Variants in VWA8 observed in about 807,000 individuals in gnomAD.
VWA8 encodes the protein von Willebrand factor A domain-containing protein 8.
Under a neutral mutation model 241.5 loss-of-function variants are expected in VWA8, and 221 were observed. The ratio of observed to expected loss-of-function variants is 0.91; its 90% CI spans 0.82 to 1.02. VWA8 has a LOEUF of 1.02. VWA8 is among the 50% of genes least tolerant of loss of function. VWA8 has a pLI of 0.00. For missense variants in VWA8, 2,322 were observed against 2,328.7 expected, an observed-to-expected ratio of 1.00 and a Z score of 0.06; for synonymous variants, 852 against 827.1, an observed-to-expected ratio of 1.03 and a Z score of -0.52.
chr13:41,799,601 C>A (rs1240631798), intron 17 of VWA8, among the ~76,000 whole-genome samples: 1 of 152,188 alleles, frequency 6.6e-6, no homozygotes, highest in African/African-American at 2.4e-5. Context: ...CTCCACCTCA[C>A]ATATGCCTGC....
At chr13:41,892,367 C>T (rs1874887364) in intron 4 of VWA8, among the ~76,000 whole-genome samples, 1 of 152,202 alleles carries the variant, frequency 6.6e-6, no homozygotes, top group Non-Finnish European at 1.5e-5. Flanking sequence ...TCTGCACATT[C>T]AACCACAGAC....
rs762615439 is a variant in VWA8 at position 41,907,743 on chromosome 13, C to T, written c.373-47G>A. ...TATTCCAAAAATAAAATCAAATTTC[C>T]AGCATATGATTTGGAACTAGTTATC... On this transcript the variant is annotated intron_variant, in intron 3 of 44. Transcript: ENST00000379310. 5 of 1,543,138 alleles carry T rather than the reference C, an allele frequency of 3.2e-6. No homozygotes were observed. In the Admixed American group the frequency reaches 6.7e-5, roughly 21 times the overall value.
intron 34 of VWA8, among the ~76,000 whole-genome samples, chr13:41,688,336 T>C (rs529682205): frequency 4.6e-5 from 7 of 152,278 alleles, no homozygotes; most frequent in Middle Eastern, 6.8e-3. Context: ...TAAATAATTC[T>C]ATCATCCCAT....
At chr13:41,763,308 A>AATAAATAAATAGATAGATAG (rs1555332023) in intron 20 of VWA8, among the ~76,000 whole-genome samples, 12 of 145,888 alleles carry the variant, frequency 8.2e-5, no homozygotes, top group South Asian at 2.2e-4. Flanking sequence ...TAAATAAATA[A>AATAAATAAATAGATAGATAG]ATAGATAGAT....
intron 12 of VWA8, among the ~76,000 whole-genome samples, chr13:41,838,092 C>T (rs933036743): frequency 2.0e-5 from 3 of 152,086 alleles, no homozygotes; most frequent in Non-Finnish European, 4.4e-5. Flanking sequence ...ATAAAAACAT[C>T]CTGTTAAAAT....
chr13:41,682,849 T>G (rs553611334), intron 35 of VWA8, among the ~76,000 whole-genome samples: 75 of 152,258 alleles, frequency 4.9e-4, no homozygotes, highest in Non-Finnish European at 7.6e-4. Context: ...TTAAAGAAGA[T>G]ACACATAAAA....
chr13:41,844,403 C>A (rs1273481319), intron 12 of VWA8, among the ~76,000 whole-genome samples: 1 of 152,130 alleles, frequency 6.6e-6, no homozygotes, highest in Non-Finnish European at 1.5e-5. Flanking sequence ...TGGGCAAAAG[C>A]TGGAAGCATT....
chr13:41,844,734 T>C (rs1872209723), intron 12 of VWA8, among the ~76,000 whole-genome samples: 1 of 151,856 alleles, frequency 6.6e-6, no homozygotes, highest in Non-Finnish European at 1.5e-5. Flanking sequence ...CAACATCTAA[T>C]GTATACACCA....
At chr13:41,895,140 A>G (rs1229383874) in intron 4 of VWA8, among the ~76,000 whole-genome samples, 4 of 152,118 alleles carry the variant, frequency 2.6e-5, no homozygotes, top group East Asian at 3.8e-4. Context: ...TGGTCTGTTT[A>G]CTGAGTGGGA....
chr13:41,620,359 T>G (rs2044648512), intron 37 of VWA8, among the ~76,000 whole-genome samples: 1 of 152,208 alleles, frequency 6.6e-6, no homozygotes, highest in East Asian at 1.9e-4. Context: ...TTCTTCTCTC[T>G]TTTCTTCTTT....
chr13:41,806,001 TAA>T (rs60826821), intron 17 of VWA8, among the ~76,000 whole-genome samples: 4 of 118,884 alleles, frequency 3.4e-5, no homozygotes, highest in African/African-American at 1.2e-4. Flanking sequence ...AATTCAAAAA[TAA>T]AAAAAAAAAA....
At chr13:41,626,916 A>G (rs529890898) in intron 37 of VWA8, among the ~76,000 whole-genome samples, 1 of 152,368 alleles carries the variant, frequency 6.6e-6, no homozygotes, top group Admixed American at 6.5e-5. Context: ...AAAATTGGTA[A>G]GTGGAACCTA....
intron 20 of VWA8, among the ~76,000 whole-genome samples, chr13:41,763,847 G>A (rs1344081812): frequency 1.3e-5 from 2 of 152,042 alleles, no homozygotes; most frequent in African/African-American, 4.8e-5. Flanking sequence ...CCTGAGCAAG[G>A]CACGATTTAG....
chr13:41,734,075 G>A (rs2045506328), intron 21 of VWA8, among the ~76,000 whole-genome samples: 1 of 152,134 alleles, frequency 6.6e-6, no homozygotes. Flanking sequence ...TGCAGTGGCT[G>A]AAGCCTGTAA....
chr13:41,685,289 T>C (rs1203159108), intron 34 of VWA8, 47 bp from the exon 35 acceptor site: 4 of 1,552,670 alleles, frequency 2.6e-6, no homozygotes, highest in African/African-American at 2.8e-5. Context: ...ATATACTACA[T>C]TCACCACAAC....
chr13:41,588,235 C>T (rs1315369696), intron 41 of VWA8, among the ~76,000 whole-genome samples: 1 of 152,188 alleles, frequency 6.6e-6, no homozygotes, highest in Non-Finnish European at 1.5e-5. Context: ...GTTTACTAAG[C>T]TGCACATCTT....
intron 2 of VWA8, among the ~76,000 whole-genome samples, chr13:41,945,398 T>C (rs754927058): frequency 2.0e-5 from 3 of 150,990 alleles, no homozygotes; most frequent in Non-Finnish European, 4.4e-5. Flanking sequence ...AATAGGAGAG[T>C]ATGGCTCATA....
At chr13:41,823,066 T>C (rs943283810) in intron 14 of VWA8, among the ~76,000 whole-genome samples, 2 of 152,146 alleles carry the variant, frequency 1.3e-5, no homozygotes, top group South Asian at 2.1e-4. Context: ...GGCTTTTTGT[T>C]TTGAAAATCA....
intron 43 of VWA8, among the ~76,000 whole-genome samples, chr13:41,573,123 A>AAG (rs1418752737): frequency 1.3e-5 from 2 of 150,342 alleles, no homozygotes; most frequent in Non-Finnish European, 3.0e-5. Context: ...AAAAAAAAAA[A>AAG]AAAAGAAACA....
Sources: gnomAD v4.1 joint callset for allele counts (sites outside exome capture counted in the v4.1 genomes callset) on GRCh38, gnomAD v4.1.1 for gene constraint, MANE v1.5 for transcripts, NCBI Gene and HGNC (gene_info 2026-07-23, HGNC 2026-07-21) for gene names.